Variants in VCL observed in about 807,000 individuals in gnomAD.
VCL encodes the protein vinculin.
Under a neutral mutation model 125.7 loss-of-function variants are expected in VCL, and 47 were observed. The ratio of observed to expected loss-of-function variants is 0.37; its 90% CI spans 0.30 to 0.48. The LOEUF (loss-of-function observed/expected upper bound fraction) is 0.48. Among genes scored for constraint, VCL ranks in the 20% least tolerant of loss-of-function variants. VCL has a pLI of 0.99. For synonymous variants in VCL, 458 were observed against 514.6 expected, an observed-to-expected ratio of 0.89 and a Z score of 1.49; for missense variants, 1,069 against 1,455.5, an observed-to-expected ratio of 0.73 and a Z score of 4.32.
At chr10:74,035,240 A>G (rs900017309) in intron 1 of VCL, among the ~76,000 whole-genome samples, 1 of 150,452 alleles carries the variant, frequency 6.6e-6, no homozygotes, top group Non-Finnish European at 1.5e-5. Flanking sequence ...TGAACCAGCC[A>G]ACCTTTTTTT....
chr10:74,085,957 T>G (rs1342946863), intron 8 of VCL, among the ~76,000 whole-genome samples: 2 of 152,214 alleles, frequency 1.3e-5, no homozygotes, highest in African/African-American at 4.8e-5. Flanking sequence ...AACTTCCGCC[T>G]CCTGGGTTCA....
At chr10:74,072,938 T>A in intron 5 of VCL, 86 bp downstream of exon 5, 1 of 1,584,840 alleles carries the variant, frequency 6.3e-7, no homozygotes, top group African/African-American at 1.4e-5. Flanking sequence ...TTCTTTTGTT[T>A]TCTTTTCTTT....
chr10:74,017,949 A>G (rs900862634), intron 1 of VCL, among the ~76,000 whole-genome samples: 1 of 151,280 alleles, frequency 6.6e-6, no homozygotes, highest in Non-Finnish European at 1.5e-5. Context: ...GCTTGAGCGT[A>G]GAAGTCCGAG....
intron 1 of VCL, among the ~76,000 whole-genome samples, chr10:74,041,305 G>A (rs1841089932): frequency 6.6e-6 from 1 of 151,712 alleles, no homozygotes; most frequent in Non-Finnish European, 1.5e-5. Context: ...ACTCTTAGGT[G>A]GCTTTATATT....
chr10:74,107,194 C>T lies in VCL; in HGVS notation c.2435-36C>T, dbSNP rs201641378. Reference sequence around the variant, plus strand: ...CACAGACAGTGCTTTGGGGCACTGACCCACCCAGCTGAAAGTGAGGATGTC... The same window carrying T: ...CACAGACAGTGCTTTGGGGCACTGATCCACCCAGCTGAAAGTGAGGATGTC... On this transcript the variant is annotated intron_variant, in intron 16 of 21. Coordinates refer to ENST00000211998, the MANE Select transcript of VCL (RefSeq NM_014000.3). 1.9e-6 allele frequency: 3 copies of T among 1,613,860 alleles called. No individual in the cohort carries two copies. In the African/African-American group the frequency reaches 4.0e-5, roughly 22 times the overall value.
At chr10:74,098,463 G>A (rs1840004471) in intron 13 of VCL, among the ~76,000 whole-genome samples, 1 of 152,166 alleles carries the variant, frequency 6.6e-6, no homozygotes, top group Admixed American at 6.5e-5. Context: ...TTCTGTCATT[G>A]CCTTATTCCC....
chr10:74,012,725 C>T (rs568477359), intron 1 of VCL, among the ~76,000 whole-genome samples: 1 of 152,238 alleles, frequency 6.6e-6, no homozygotes, highest in East Asian at 1.9e-4. Context: ...CAGCTGCTTT[C>T]TGCTTGTGGC....
chr10:74,082,406 T>G (rs779343647), intron 6 of VCL, 48 bp from the exon 7 acceptor site: 1 of 1,596,178 alleles, frequency 6.3e-7, no homozygotes, highest in Non-Finnish European at 8.6e-7. Context: ...TCTATCATGG[T>G]ATCTCAACTT....
chr10:74,024,358 C>A (rs2136235690), intron 1 of VCL, among the ~76,000 whole-genome samples: 1 of 152,254 alleles, frequency 6.6e-6, no homozygotes, highest in South Asian at 2.1e-4. Context: ...TGCCTGTAAT[C>A]CCAGCATTTT....
intron 1 of VCL, among the ~76,000 whole-genome samples, chr10:74,005,762 C>T (rs936190652): frequency 6.6e-6 from 1 of 152,166 alleles, no homozygotes; most frequent in Non-Finnish European, 1.5e-5. Context: ...GCACATCCTC[C>T]TGTATACTTT....
chr10:74,066,445 AG>A (rs1481741753), intron 2 of VCL, among the ~76,000 whole-genome samples: 7 of 152,194 alleles, frequency 4.6e-5, no homozygotes, highest in African/African-American at 1.7e-4. Flanking sequence ...TTGAACAAAA[AG>A]AACAGTCACA....
chr10:74,046,278 C>T (rs1841195675), intron 2 of VCL, among the ~76,000 whole-genome samples: 1 of 152,300 alleles, frequency 6.6e-6, no homozygotes, highest in South Asian at 2.1e-4. Context: ...GACAGGCTCT[C>T]ACTCTGTCAC....
At position 74,090,112 on chromosome 10, in the gene VCL, T is replaced by C; in HGVS notation, c.1266T>C (p.Cys422=). The part of the protein sequence containing the change: ...LAEARKIAEL[C]DDPKERDDIL... The stretch of plus-strand genomic sequence containing the variant: ...AAGCTCGGAAAATAGCAGAATTATG[T>C]GATGATCCTAAAGAAAGAGATGACA... Residue 422 remains cysteine, a synonymous_variant, in exon 10 of 22, where the codon TGT becomes TGC. Coordinates refer to ENST00000211998, the MANE Select transcript of VCL (RefSeq NM_014000.3). 6.2e-7 allele frequency: 1 copy of C among 1,614,178 alleles called. No individual in the cohort carries two copies. The highest frequency in any genetic ancestry group is 1.1e-5 in the South Asian group (1 of 91,080).
chr10:74,090,334 T>C, intron 10 of VCL, 136 bp downstream of exon 10: 2 of 928,100 alleles, frequency 2.2e-6, no homozygotes, highest in South Asian at 3.1e-5. Context: ...CTTATGATGC[T>C]CTTCCACTAT....
At chr10:74,055,273 C>T (rs943173043) in intron 2 of VCL, among the ~76,000 whole-genome samples, 1 of 152,158 alleles carries the variant, frequency 6.6e-6, no homozygotes, top group Non-Finnish European at 1.5e-5. Context: ...GCACCCTAGT[C>T]TGAGTGACAA....
chr10:74,112,168 G>C, intron 19 of VCL, 56 bp downstream of exon 19: 1 of 1,597,360 alleles, frequency 6.3e-7, no homozygotes, highest in Non-Finnish European at 8.6e-7. Context: ...GCCATGTGCA[G>C]CCTTGACACA....
At position 74,071,639 on chromosome 10, in the gene VCL, A is replaced by T. The variant is rs1030255776; in HGVS notation, c.499+556A>T. Among the ~76,000 whole-genome samples, 4 of 152,380 alleles carry T rather than the reference A, an allele frequency of 2.6e-5. No individual in the cohort carries two copies. Among genetic ancestry groups the T allele is most frequent in the African/African-American group, 9.6e-5 (4 of 41,592 alleles). On this transcript the variant is annotated intron_variant, in intron 4 of 21. Coordinates refer to ENST00000211998, the MANE Select transcript of VCL (RefSeq NM_014000.3). The surrounding 1 kb of genome is among the most constrained non-coding windows in gnomAD (Gnocchi z 4.1). ...CGGATACCAGCTTTTGATGTTACAG[A>T]CATATAACATGAACTTGAGGGTCTT...
intron 1 of VCL, among the ~76,000 whole-genome samples, chr10:74,006,132 C>T (rs1056047840): frequency 2.0e-5 from 3 of 152,102 alleles, no homozygotes; most frequent in South Asian, 2.1e-4. Flanking sequence ...GTGATCCGCT[C>T]GCCTCGGCCT....
At chr10:74,108,775 C>T (rs1008928954) in intron 17 of VCL, among the ~76,000 whole-genome samples, 196 bp from the exon 18 acceptor site, 2 of 152,184 alleles carry the variant, frequency 1.3e-5, no homozygotes, top group Admixed American at 6.5e-5. Flanking sequence ...CCACTGCGCC[C>T]GGCCACTGCT....
Sources: gnomAD v4.1 joint callset for allele counts (sites outside exome capture counted in the v4.1 genomes callset) on GRCh38, gnomAD v4.1.1 for gene constraint, Gnocchi (gnomAD v3.1) non-coding constraint, MANE v1.5 for transcripts, NCBI Gene and HGNC (gene_info 2026-07-23, HGNC 2026-07-21) for gene names.